Variants in SF3A1 observed in about 807,000 individuals in gnomAD.
SF3A1 encodes SAP 114.
A neutral mutation model predicts 89.9 loss-of-function variants in SF3A1; 13 were observed. The observed-to-expected ratio is 0.14, with a 90% CI of 0.09 to 0.23. The LOEUF (loss-of-function observed/expected upper bound fraction) is 0.23. Ranked by LOEUF, SF3A1 falls within the 10% of genes least tolerant of loss-of-function variation. The probability of loss-of-function intolerance (pLI) is 1.00; values close to 1 mark genes in which losing one functional copy is unlikely to be tolerated. For synonymous variants in SF3A1, 405 were observed against 374.4 expected (o/e 1.08, Z -0.94); for missense variants, 604 against 1,022.1 (o/e 0.59, Z 5.58).
chr22:30,352,740 TG>T, intron 2 of SF3A1: 1 of 462,952 alleles, frequency 2.2e-6, no homozygotes, highest in Admixed American at 3.4e-5. Context: ...CTGGTGACTG[TG>T]GGGCTAAGTG....
intron 14 of SF3A1, 25 bp downstream of exon 14, chr22:30,335,627 T>G: frequency 1.9e-6 from 3 of 1,612,952 alleles, no homozygotes; most frequent in South Asian, 2.2e-5. Context: ...ATGCACCTGA[T>G]GCCAGTTTCT....
intron 1 of SF3A1, among the ~76,000 whole-genome samples, chr22:30,355,370 T>A (rs1931752725): frequency 6.6e-6 from 1 of 152,172 alleles, no homozygotes; most frequent in Non-Finnish European, 1.5e-5. Flanking sequence ...GAGCTTAATG[T>A]CCAACTGGCA....
At position 30,342,845 on chromosome 22, in the gene SF3A1, A is replaced by C; in HGVS notation, c.686T>G (p.Leu229Arg). The C allele has an allele frequency of 6.2e-7, 1 of 1,613,006 alleles. No individual in the cohort carries two copies. The highest frequency in any genetic ancestry group is 2.2e-5 in the East Asian group (1 of 44,872). ...TCGGGGGTTTTCAGCCTCTTTCTTG[A>C]GCTTTGAAAATAAACCTTTGGGTGG... ...LIPPKGLFSK[L>R]KKEAENPREV... The change falls in exon 5 of 16, where the codon CTC becomes CGC. Residue 229 changes from leucine to arginine, a missense_variant. Transcript: ENST00000215793.
intron 1 of SF3A1, among the ~76,000 whole-genome samples, chr22:30,355,509 C>G (rs1233800377): frequency 6.6e-6 from 1 of 152,240 alleles, no homozygotes; most frequent in Non-Finnish European, 1.5e-5. Flanking sequence ...CTCCACACGT[C>G]TGCCTACCTG....
chr22:30,348,968 G>A (rs1390110742), intron 2 of SF3A1, among the ~76,000 whole-genome samples: 1 of 152,172 alleles, frequency 6.6e-6, no homozygotes, highest in African/African-American at 2.4e-5. Context: ...TTAGCTTAAC[G>A]TTAATTTTAG....
At chr22:30,356,516 T>A (rs1170038631) in intron 1 of SF3A1, 1 of 403,508 alleles carries the variant, frequency 2.5e-6, no homozygotes, top group African/African-American at 2.1e-5. Context: ...TCCCGGCTCG[T>A]GCCGACGGGG....
chr22:30,343,110 A>G (rs1480525104), intron 4 of SF3A1, among the ~76,000 whole-genome samples: 1 of 152,120 alleles, frequency 6.6e-6, no homozygotes, highest in African/African-American at 2.4e-5. Flanking sequence ...ATGAACTTAA[A>G]AAGGTGGCTT....
intron 2 of SF3A1, 91 bp downstream of exon 2, chr22:30,352,860 C>G: frequency 1.3e-6 from 2 of 1,506,144 alleles, no homozygotes; most frequent in Non-Finnish European, 1.8e-6. Flanking sequence ...CCCAAGCCAA[C>G]AACGTCTCTT....
chr22:30,342,901 G>T, intron 4 of SF3A1, 22 bp from the exon 5 acceptor site: 2 of 1,516,672 alleles, frequency 1.3e-6, no homozygotes, highest in South Asian at 1.1e-5. Context: ...AAGAGTTAAA[G>T]CAACTGTCAG....
intron 1 of SF3A1, among the ~76,000 whole-genome samples, chr22:30,354,925 T>A (rs976834199): frequency 3.3e-5 from 5 of 151,996 alleles, no homozygotes; most frequent in Non-Finnish European, 7.4e-5. Context: ...CCCGGTCTCT[T>A]AAAAAAAACT....
chr22:30,343,727 AT>A (rs1284139870), intron 4 of SF3A1, among the ~76,000 whole-genome samples: 5 of 152,252 alleles, frequency 3.3e-5, no homozygotes, highest in Admixed American at 2.6e-4. Context: ...GGAGAAATTA[AT>A]CCAGGGTTCA....
At chr22:30,341,916 C>G in intron 6 of SF3A1, 31 bp from the exon 7 acceptor site, 1 of 1,595,910 alleles carries the variant, frequency 6.3e-7, no homozygotes, top group South Asian at 1.1e-5. Flanking sequence ...AAAGGTATTC[C>G]TTATCAAAGA....
rs746603902 is a variant in SF3A1 at position 30,344,927 on chromosome 22, A to G, written c.651+6T>C. On this transcript the variant is annotated splice_donor_region_variant and intron_variant, in intron 4 of 15. Coordinates refer to ENST00000215793, the MANE Select transcript of SF3A1 (RefSeq NM_005877.6). ...CCAGGACCCCAGCCCCATCCTGCCCAGGCACCTTGGTGTACTGTTCCACTA... is the reference window on the plus strand; with the variant it reads ...CCAGGACCCCAGCCCCATCCTGCCCGGGCACCTTGGTGTACTGTTCCACTA... The G allele has an allele frequency of 6.2e-7, 1 of 1,612,260 alleles. No individual in the cohort carries two copies. Among genetic ancestry groups the G allele is most frequent in the Admixed American group, 1.7e-5 (1 of 59,998 alleles).
Position 30,341,835 on chromosome 22 carries a change from T to A in SF3A1, c.928A>T (p.Ile310Phe). Residue 310 changes from isoleucine to phenylalanine, a missense_variant, in exon 7 of 16, where the codon ATT becomes TTT. Around this residue, in one of 9 missense-constraint regions of SF3A1, gnomAD observed 146 missense variants for 228.5 expected, o/e 0.64. Coordinates refer to ENST00000215793, the MANE Select transcript of SF3A1 (RefSeq NM_005877.6). ...CCAAACTTTTCATAGCGCTCCTGAA[T>A]GAGGATTCGGGCCCCCAGCTCCTCT... is the stretch of plus-strand genomic sequence containing the variant. ...TPEELGARIL[I>F]QERYEKFGES... is the part of the protein sequence containing the mutation. The A allele has an allele frequency of 6.2e-7, 1 of 1,613,844 alleles. No individual in the cohort carries two copies. The highest frequency in any genetic ancestry group is 8.5e-7 in the Non-Finnish European group (1 of 1,179,964).
At chr22:30,349,024 A>G (rs1200047410) in intron 2 of SF3A1, among the ~76,000 whole-genome samples, 1 of 152,252 alleles carries the variant, frequency 6.6e-6, no homozygotes, top group Non-Finnish European at 1.5e-5. Context: ...AGAAAAAGAC[A>G]TGATTCTGAC....
chr22:30,341,244 G>C (rs751890050), intron 7 of SF3A1, among the ~76,000 whole-genome samples: 32 of 152,192 alleles, frequency 2.1e-4, no homozygotes, highest in Non-Finnish European at 3.2e-4. Context: ...ATTTCCGAGT[G>C]GGGGAGAACA....
At chr22:30,341,283 T>TA (rs1931244986) in intron 7 of SF3A1, among the ~76,000 whole-genome samples, 1 of 152,032 alleles carries the variant, frequency 6.6e-6, no homozygotes, top group Non-Finnish European at 1.5e-5. Flanking sequence ...CATGCCTGCT[T>TA]AGAGGGCCTG....
chr22:30,348,055 GGCT>G (rs1931472510), intron 2 of SF3A1, among the ~76,000 whole-genome samples: 2 of 152,206 alleles, frequency 1.3e-5, no homozygotes, highest in African/African-American at 4.8e-5. Flanking sequence ...ATGTTGCTCA[GGCT>G]GGTCTCAAAC....
At position 30,344,874 on chromosome 22, in the gene SF3A1, A is replaced by C. The variant is rs1931371496; in HGVS notation, c.651+59T>G. 9 of 1,578,588 alleles carry C rather than the reference A, an allele frequency of 5.7e-6. No homozygotes were observed. The South Asian group carries it at 1.0e-4, about 18-fold the overall frequency. On this transcript the variant is annotated intron_variant, in intron 4 of 15. Transcript: ENST00000215793. Reference sequence around the variant, plus strand: ...GACAGTGAGTGGACACAGTGCTTCCAAGCATAAGATGTTTTCCTTTCCTGG... The same window carrying C: ...GACAGTGAGTGGACACAGTGCTTCCCAGCATAAGATGTTTTCCTTTCCTGG...
Sources: gnomAD v4.1 joint callset for allele counts (sites outside exome capture counted in the v4.1 genomes callset) on GRCh38, gnomAD v4.1.1 for gene constraint, gnomAD v4.1.1 regional missense constraint, MANE v1.5 for transcripts, NCBI Gene and HGNC (gene_info 2026-07-23, HGNC 2026-07-21) for gene names.